The following CDH17 variants were observed in gnomAD, a reference collection of about 807,000 sequenced individuals.
CDH17 encodes the protein cadherin-17.
A neutral mutation model predicts 86.3 loss-of-function variants in CDH17; 67 were observed. The observed-to-expected ratio is 0.78, with a 90% CI of 0.64 to 0.95. CDH17 has a LOEUF of 0.95. Ranked by LOEUF, CDH17 falls within the 40% of genes least tolerant of loss-of-function variation. The pLI is 0.00. For missense variants in CDH17, 993 were observed against 1,017.6 expected, an observed-to-expected ratio of 0.98 and a Z score of 0.33; for synonymous variants, 367 against 366.4, an observed-to-expected ratio of 1.00 and a Z score of -0.02.
At position 94,189,285 on chromosome 8, in the gene CDH17, C is replaced by G. The variant is rs370041892; in HGVS notation, c.52G>C (p.Ala18Pro). 4 of 1,597,318 alleles carry G rather than the reference C, an allele frequency of 2.5e-6. No homozygotes were observed. Among genetic ancestry groups the G allele is most frequent in the African/African-American group, 2.7e-5 (2 of 73,712 alleles). Residue 18 changes from alanine to proline, a missense_variant and splice_region_variant, in exon 3 of 18, where the codon GCA (alanine) becomes CCA (proline). By Grantham distance (27) the Ala-to-Pro change is conservative (BLOSUM62 -1). Coordinates refer to ENST00000027335, the MANE Select transcript of CDH17 (RefSeq NM_004063.4). The part of the protein sequence containing the change: ...HSLCLLMLYL[A>P]TGYGQEGKFS... ...TTCCCCTCTTGGCCATATCCAGTTG[C>G]CTGTTAAAAAAGAAAGAGAAAATTA...
At chr8:94,179,652 T>C (rs1813440751) in intron 3 of CDH17, among the ~76,000 whole-genome samples, 1 of 152,232 alleles carries the variant, frequency 6.6e-6, no homozygotes, top group Non-Finnish European at 1.5e-5. Flanking sequence ...TGTCCCAACA[T>C]GCACACAGTG....
At chr8:94,170,261 C>T (rs757693425) in intron 9 of CDH17, 136 bp downstream of exon 9, 194 of 882,122 alleles carry the variant, frequency 2.2e-4, no homozygotes, top group Non-Finnish European at 3.0e-4. Flanking sequence ...TACGTGACTC[C>T]CAAGGTACAG....
chr8:94,188,794 G>A (rs1813629725), intron 3 of CDH17, among the ~76,000 whole-genome samples: 1 of 152,142 alleles, frequency 6.6e-6, no homozygotes, highest in Non-Finnish European at 1.5e-5. Context: ...GCTCATTCTA[G>A]CACTGACTCC....
chr8:94,130,729 G>C lies in CDH17; in HGVS notation c.2295C>G (p.Cys765Trp). 1.9e-6 allele frequency: 3 copies of C among 1,612,950 alleles called. No individual in the cohort carries two copies. The highest frequency in any genetic ancestry group is 2.5e-6 in the Non-Finnish European group (3 of 1,178,972). Residue 765 changes from cysteine (C) to tryptophan (W), a missense_variant, in exon 17 of 18, where the codon TGC becomes TGG. Coordinates refer to ENST00000027335, the MANE Select transcript of CDH17 (RefSeq NM_004063.4). Reference sequence around the variant, plus strand: ...GGAAACAACTTCCTTCCACACAACTGCAGAATGTAACTGAAAAGCAGGACA... The same window carrying C: ...GGAAACAACTTCCTTCCACACAACTCCAGAATGTAACTGAAAAGCAGGACA... The part of the protein sequence containing the change: ...EGIVSLPVTF[C>W]SCVEGSCFRP...
At chr8:94,209,145 G>C (rs1814082760), upstream of CDH17, among the ~76,000 whole-genome samples, 1 of 152,016 alleles carries the variant, frequency 6.6e-6, no homozygotes, top group Non-Finnish European at 1.5e-5. Flanking sequence ...CACAAACCAA[G>C]TCCTTTTTTC....
At chr8:94,194,580 A>G (rs1363742900) in intron 2 of CDH17, 55 bp downstream of exon 2, 1 of 1,193,804 alleles carries the variant, frequency 8.4e-7, no homozygotes, top group African/African-American at 1.5e-5. Context: ...TGGGGTAGAA[A>G]GATAGCAGAA....
chr8:94,130,990 T>A lies in CDH17; in HGVS notation c.2170A>T (p.Thr724Ser). The change falls in exon 16 of 18, where the codon ACT (threonine) becomes TCT (serine). Residue 724 changes from threonine to serine, a missense_variant and splice_region_variant. Physicochemically the swap from Thr to Ser is moderately conservative, Grantham distance 58 (BLOSUM62 1). Coordinates refer to ENST00000027335, the MANE Select transcript of CDH17 (RefSeq NM_004063.4). The stretch of plus-strand genomic sequence containing the variant: ...TGCCTGGTAGACAGTCGGGCATGAG[T>A]ACCTGCCAGGACAGGAAAAAAAAAT... The part of the protein sequence containing the change: ...NDWEVSKING[T>S]HARLSTRHTE... The A allele has an allele frequency of 6.7e-7, 1 of 1,498,954 alleles. No individual in the cohort carries two copies. The highest frequency in any genetic ancestry group is 9.3e-7 in the Non-Finnish European group (1 of 1,075,648). The allele number at this position is 1,498,954 out of a possible 1,614,324, so 92.9% of individuals were successfully genotyped here.
intron 1 of CDH17, among the ~76,000 whole-genome samples, chr8:94,199,359 A>T (rs1288231141): frequency 6.6e-6 from 1 of 151,994 alleles, no homozygotes; most frequent in Non-Finnish European, 1.5e-5. Context: ...ATACATTTTT[A>T]TTGTTGATGA....
At chr8:94,176,789 T>A in intron 4 of CDH17, 110 bp from the exon 5 acceptor site, 1 of 1,122,910 alleles carries the variant, frequency 8.9e-7, no homozygotes, top group Non-Finnish European at 1.3e-6. Flanking sequence ...CTGGTGACTG[T>A]AGGAGAGAAA....
At chr8:94,176,500 C>G in intron 5 of CDH17, 41 bp downstream of exon 5, 2 of 1,608,784 alleles carry the variant, frequency 1.2e-6, no homozygotes, top group East Asian at 2.2e-5. Flanking sequence ...ACCTGACACC[C>G]TTCCATCTTT....
chr8:94,141,787 A>G (rs1451330254), intron 15 of CDH17, among the ~76,000 whole-genome samples: 2 of 152,164 alleles, frequency 1.3e-5, no homozygotes, highest in African/African-American at 4.8e-5. Flanking sequence ...TAATATATCA[A>G]TTCTCCTCCA....
intron 14 of CDH17, among the ~76,000 whole-genome samples, 161 bp from the exon 15 acceptor site, chr8:94,146,328 A>T (rs980296532): frequency 6.6e-6 from 1 of 152,244 alleles, no homozygotes; most frequent in Non-Finnish European, 1.5e-5. Context: ...CTGGTGAAAA[A>T]GTCTTACTGA....
At chr8:94,196,339 A>G (rs1813785746) in intron 1 of CDH17, among the ~76,000 whole-genome samples, 1 of 152,192 alleles carries the variant, frequency 6.6e-6, no homozygotes, top group African/African-American at 2.4e-5. Flanking sequence ...AGCCTCACCA[A>G]TGTTCTGGGA....
rs58752556 is a variant in CDH17, at chr8:94,206,166, G to GAAA, written c.-21+2314_-21+2316dup. Among the ~76,000 whole-genome samples the GAAA allele has an allele frequency of 4.2e-4, 62 of 149,072 alleles. No homozygotes were observed. The East Asian group carries it at 5.9e-3, about 14-fold the overall frequency. Reference sequence around the variant, plus strand: ...TTAGCTTGTTACGTATTGCTTAAGTGAAAAAAAAAAATCAACTTTAGTGTA... The same window carrying GAAA: ...TTAGCTTGTTACGTATTGCTTAAGTGAAAAAAAAAAAAAATCAACTTTAGTGTA... On this transcript the variant is annotated intron_variant, in intron 1 of 17. Transcript: ENST00000027335.
chr8:94,179,525 G>A (rs1323827467), intron 3 of CDH17, among the ~76,000 whole-genome samples: 1 of 152,174 alleles, frequency 6.6e-6, no homozygotes, highest in Non-Finnish European at 1.5e-5. Flanking sequence ...GTGCATGCCT[G>A]GGAAAGACCT....
At chr8:94,195,052 A>T (rs1181513365) in intron 1 of CDH17, among the ~76,000 whole-genome samples, 1 of 152,202 alleles carries the variant, frequency 6.6e-6, no homozygotes, top group African/African-American at 2.4e-5. Flanking sequence ...TCCAGGCTGT[A>T]GTGCAGTGGT....
chr8:94,196,734 C>A (rs902854662), intron 1 of CDH17, among the ~76,000 whole-genome samples: 1 of 152,176 alleles, frequency 6.6e-6, no homozygotes, highest in African/African-American at 2.4e-5. Flanking sequence ...CAGCTGCAGA[C>A]ATAGATAAGC....
intron 15 of CDH17, among the ~76,000 whole-genome samples, chr8:94,134,288 C>CT (rs1166607254): frequency 1.3e-5 from 2 of 151,954 alleles, no homozygotes; most frequent in East Asian, 1.9e-4. Flanking sequence ...TGATCCTGGA[C>CT]TTTTTTTTGT....
At chr8:94,177,140 CG>C (rs1387729736) in intron 4 of CDH17, among the ~76,000 whole-genome samples, 3 of 152,160 alleles carry the variant, frequency 2.0e-5, no homozygotes, top group Admixed American at 2.0e-4. Context: ...GAGAGGGAGA[CG>C]GGTCTTTTTA....
Sources: gnomAD v4.1 joint callset for allele counts (sites outside exome capture counted in the v4.1 genomes callset) on GRCh38, gnomAD v4.1.1 for gene constraint, MANE v1.5 for transcripts, NCBI Gene and HGNC (gene_info 2026-07-23, HGNC 2026-07-21) for gene names.